JPT1: variants seen among roughly 807,000 people sequenced by gnomAD.
JPT1 encodes androgen-regulated protein 2.
A neutral mutation model predicts 17.0 loss-of-function variants in JPT1; 5 were observed. That is an observed-to-expected ratio of 0.29 (90% CI 0.15 to 0.62). The LOEUF is 0.62. Ranked by LOEUF, JPT1 falls within the 20% of genes least tolerant of loss-of-function variation. The pLI, the probability that JPT1 is intolerant of heterozygous loss-of-function variation, is 0.85. For missense variants in JPT1, 158 were observed against 188.1 expected (o/e 0.84, Z 0.94); for synonymous variants, 71 against 73.6 (o/e 0.96, Z 0.18).
chr17:75,142,866 A>G (rs2074353774), intron 4 of JPT1: 1 of 430,334 alleles, frequency 2.3e-6, no homozygotes, highest in South Asian at 1.6e-5. Context: ...ATATTATGAT[A>G]TACATACGTA....
intron 4 of JPT1, among the ~76,000 whole-genome samples, chr17:75,139,460 TAAAG>T (rs1949274503): frequency 6.6e-6 from 1 of 151,948 alleles, no homozygotes. Flanking sequence ...AACATACTAA[TAAAG>T]AAGAAGAAAA....
At chr17:75,137,368 G>C (rs946380413) in intron 4 of JPT1, among the ~76,000 whole-genome samples, 9 of 151,490 alleles carry the variant, frequency 5.9e-5, no homozygotes, top group Non-Finnish European at 1.0e-4. Flanking sequence ...GGCAGGTGGA[G>C]GATATTGAGA....
At chr17:75,142,620 G>GGTGA in intron 4 of JPT1, 2 of 105,406 alleles carry the variant, frequency 1.9e-5, no homozygotes, top group Non-Finnish European at 3.2e-5. Context: ...GGAGAGAGGA[G>GGTGA]GGGAGGGAGG....
At chr17:75,145,893 T>C (rs1431513325) in intron 4 of JPT1, 1 of 151,530 alleles carries the variant, frequency 6.6e-6, no homozygotes, top group East Asian at 1.9e-4. Context: ...CTGGGCAACA[T>C]AGTGAGACCT....
intron 4 of JPT1, among the ~76,000 whole-genome samples, chr17:75,137,065 GTA>G (rs1423473815): frequency 3.9e-5 from 6 of 152,054 alleles, no homozygotes; most frequent in Admixed American, 2.6e-4. Context: ...CTTATTAACT[GTA>G]TGTTTTCAAA....
At chr17:75,148,455 G>T in intron 2 of JPT1, 74 bp downstream of exon 2, 1 of 1,550,932 alleles carries the variant, frequency 6.4e-7, no homozygotes, top group Non-Finnish European at 8.8e-7. Context: ...GCACATGCTG[G>T]TGCCCAAGCT....
In JPT1 at chr17:75,148,369, G is replaced by A. The variant is rs561684211; in HGVS notation, c.199+160C>T. On this transcript the variant is annotated intron_variant, in intron 2 of 4. Transcript: ENST00000409753. ...CAGCAATCCTCCCACCTCGGCCTCC[G>A]GAGTATCAGGGACTAAATGCACACT... Among the ~76,000 whole-genome samples the A allele has an allele frequency of 2.0e-5, 3 of 152,124 alleles. No individual in the cohort carries two copies. In the East Asian group the frequency reaches 5.8e-4, roughly 29 times the overall value.
intron 1 of JPT1, among the ~76,000 whole-genome samples, chr17:75,152,436 A>G (rs2074569179): frequency 3.3e-5 from 5 of 152,210 alleles, no homozygotes; most frequent in Admixed American, 2.6e-4. Context: ...GTTTATGAGA[A>G]TTAGGTGAGA....
intron 1 of JPT1, among the ~76,000 whole-genome samples, chr17:75,150,372 G>A (rs576925857): frequency 5.9e-5 from 9 of 151,944 alleles, no homozygotes; most frequent in Admixed American, 1.3e-4. Context: ...TCCTGCCTCA[G>A]CCCCTGAGTA....
intron 3 of JPT1, chr17:75,146,920 T>C (rs1190120511): frequency 6.5e-6 from 3 of 464,464 alleles, no homozygotes; most frequent in East Asian, 7.9e-5. Flanking sequence ...ACCCCAACAT[T>C]TCCTCTGAGG....
chr17:75,145,412 C>T (rs1423944391), intron 4 of JPT1: 3 of 152,148 alleles, frequency 2.0e-5, no homozygotes, highest in African/African-American at 7.2e-5. Context: ...GTCTTTAGCA[C>T]TTGTTACAGA....
At chr17:75,143,109 TGGA>T (rs1173082974) in intron 4 of JPT1, among the ~76,000 whole-genome samples, 1 of 152,134 alleles carries the variant, frequency 6.6e-6, no homozygotes, top group African/African-American at 2.4e-5. Flanking sequence ...CTCCATACCC[TGGA>T]GGAGGGAATG....
rs1370561701 is a variant in JPT1, at chr17:75,136,359, T to C, written c.317-109A>G. 2.8e-6 allele frequency: 3 copies of C among 1,078,550 alleles called. No individual in the cohort carries two copies. The East Asian group carries it at 7.4e-5, about 27-fold the overall frequency. The allele number at this position is 1,078,550 out of a possible 1,614,324, so 66.8% of individuals were successfully genotyped here. A position where few individuals can be genotyped will look rare whatever the true frequency, so the allele number is the denominator to read the frequency against. ...TTTTTTGGTTTGATGGTTGGAAACATACCTAAAAGCATAAACAAAATAATC... is the reference window on the plus strand; with the variant it reads ...TTTTTTGGTTTGATGGTTGGAAACACACCTAAAAGCATAAACAAAATAATC... On this transcript the variant is annotated intron_variant, in intron 4 of 4. Transcript: ENST00000409753.
At chr17:75,148,768 TCATCTCCCTCACCCCTA>T in intron 1 of JPT1, 97 bp from the exon 2 acceptor site, 1 of 1,362,844 alleles carries the variant, frequency 7.3e-7, no homozygotes, top group Non-Finnish European at 1.0e-6. Context: ...CCTCACCCAT[TCATCTCCCTCACCCCTA>T]CAACAGATAG....
intron 1 of JPT1, chr17:75,154,082 G>A (rs2074596219): frequency 4.3e-6 from 1 of 233,348 alleles, no homozygotes; most frequent in Non-Finnish European, 8.2e-6. Context: ...GTGCTCCGAG[G>A]GGCGACCAGC....
At chr17:75,138,400 A>G (rs145539011) in intron 4 of JPT1, 1 of 148,846 alleles carries the variant, frequency 6.7e-6, no homozygotes, top group Non-Finnish European at 1.5e-5. Context: ...TAATGCTCCT[A>G]TATTAATGGA....
chr17:75,138,390 T>C (rs2074247745), intron 4 of JPT1: 1 of 151,758 alleles, frequency 6.6e-6, no homozygotes, highest in Non-Finnish European at 1.5e-5. Context: ...GGGCAGTTAA[T>C]AATGCTCCTA....
chr17:75,142,744 T>A (rs1172047326), intron 4 of JPT1: 6 of 455,000 alleles, frequency 1.3e-5, no homozygotes, highest in African/African-American at 1.2e-4. Flanking sequence ...AGAAGTGGAA[T>A]CAAAAAACCT....
chr17:75,143,310 A>G (rs1293091511), intron 4 of JPT1, among the ~76,000 whole-genome samples: 1 of 152,246 alleles, frequency 6.6e-6, no homozygotes, highest in East Asian at 1.9e-4. Flanking sequence ...CTGTAATCCC[A>G]GCACTTTGGA....
Sources: allele counts gnomAD v4.1 joint callset (sites outside exome capture counted in the v4.1 genomes callset), GRCh38; gene constraint gnomAD v4.1.1; transcripts MANE v1.5; gene names NCBI Gene and HGNC (gene_info 2026-07-23, HGNC 2026-07-21).